The following CHURC1 variants were observed in gnomAD, a reference collection of about 807,000 sequenced individuals.
The protein encoded by CHURC1 is churchill domain containing 1, also known as protein Churchill.
CHURC1 carries 12 observed loss-of-function variants against 15.4 expected under a neutral mutation model. The ratio of observed to expected loss-of-function variants is 0.78; its 90% CI spans 0.50 to 1.27. The LOEUF is 1.27. Among genes scored for constraint, CHURC1 ranks in the 50% most tolerant of loss-of-function variants. CHURC1 has a pLI of 0.00. For synonymous variants in CHURC1, 42 were observed against 47.5 expected, an observed-to-expected ratio of 0.88 and a Z score of 0.48; for missense variants, 132 against 137.8, an observed-to-expected ratio of 0.96 and a Z score of 0.21.
chr14:64,921,306 A>G (rs1008408872), intron 1 of CHURC1, among the ~76,000 whole-genome samples: 1 of 152,144 alleles, frequency 6.6e-6, no homozygotes, highest in Non-Finnish European at 1.5e-5. Flanking sequence ...GTCTTAGGAG[A>G]AAAAAAGTAT....
chr14:64,929,492 T>C (rs1884952831), intron 3 of CHURC1, among the ~76,000 whole-genome samples: 1 of 152,152 alleles, frequency 6.6e-6, no homozygotes, highest in African/African-American at 2.4e-5. Context: ...TTACTTACTG[T>C]CCTTGTCCCC....
chr14:64,924,889 T>C (rs1884573556), intron 2 of CHURC1, among the ~76,000 whole-genome samples: 1 of 152,216 alleles, frequency 6.6e-6, no homozygotes, highest in Non-Finnish European at 1.5e-5. Context: ...GAGGAATAAA[T>C]GTACAGGTAA....
At chr14:64,914,589 C>T (rs1329832051) in intron 1 of CHURC1, 55 bp downstream of exon 1, 3 of 1,609,430 alleles carry the variant, frequency 1.9e-6, no homozygotes, top group Non-Finnish European at 2.5e-6. Context: ...TGTCTCATAT[C>T]CAAGGCTGGC....
intron 3 of CHURC1, among the ~76,000 whole-genome samples, chr14:64,928,086 TTACTC>T (rs1884845482): frequency 6.6e-6 from 1 of 152,090 alleles, no homozygotes; most frequent in South Asian, 2.1e-4. Flanking sequence ...TGTCCCAACT[TTACTC>T]TTCCTTCTCT....
At chr14:64,920,475 C>T (rs1276122720) in intron 1 of CHURC1, among the ~76,000 whole-genome samples, 1 of 152,208 alleles carries the variant, frequency 6.6e-6, no homozygotes, top group Non-Finnish European at 1.5e-5. Context: ...AATAAAAGAA[C>T]TGTGCCTCAC....
chr14:64,929,914 T>TA (rs200406226), intron 3 of CHURC1, among the ~76,000 whole-genome samples: 138 of 143,732 alleles, frequency 9.6e-4, no homozygotes, highest in Middle Eastern at 3.5e-3. Context: ...ATCCTTTATT[T>TA]AAAAAAAAAA....
intron 3 of CHURC1, among the ~76,000 whole-genome samples, chr14:64,929,529 C>T (rs1179034736): frequency 6.6e-6 from 1 of 152,134 alleles, no homozygotes; most frequent in Non-Finnish European, 1.5e-5. Flanking sequence ...TCATCCTATC[C>T]TGGCAGTAGT....
intron 3 of CHURC1, among the ~76,000 whole-genome samples, chr14:64,927,647 G>A (rs139691934): frequency 6.7e-6 from 1 of 149,680 alleles, no homozygotes; most frequent in African/African-American, 2.5e-5. Context: ...CACGATGCAA[G>A]AAACTATGAA....
chr14:64,916,777 G>A (rs1368092513), intron 1 of CHURC1, among the ~76,000 whole-genome samples: 1 of 152,004 alleles, frequency 6.6e-6, no homozygotes, highest in South Asian at 2.1e-4. Flanking sequence ...ACAGGGTTTC[G>A]CCTTGTTAGC....
Position 64,933,555 on chromosome 14 carries a change from GATATA to G in CHURC1, c.*1329_*1333del. The G allele has an allele frequency of 2.1e-6, 2 of 975,534 alleles. No homozygotes were observed. Among genetic ancestry groups the G allele is most frequent in the Non-Finnish European group, 2.4e-6 (2 of 821,050 alleles). The allele number at this position is 975,534 out of a possible 1,614,324, so 60.4% of individuals were successfully genotyped here. ...CTATCAAATTGGACTAACAAAAATTGATATAATACATTCATCACAGTATTGTTAGG... is the reference window on the plus strand; with the variant it reads ...CTATCAAATTGGACTAACAAAAATTGATACATTCATCACAGTATTGTTAGG... On this transcript the variant is annotated 3_prime_UTR_variant, in exon 4 of 4. Transcript: ENST00000549115.
chr14:64,918,640 C>T (rs1043321889), intron 1 of CHURC1, among the ~76,000 whole-genome samples: 28 of 152,112 alleles, frequency 1.8e-4, no homozygotes, highest in African/African-American at 6.5e-4. Context: ...CCAGCCTGGG[C>T]TACATAGTGA....
At position 64,926,360 on chromosome 14, in the gene CHURC1, T is replaced by C. The variant is rs189351683; in HGVS notation, c.246+280T>C. Among the ~76,000 whole-genome samples the C allele has an allele frequency of 1.2e-4, 19 of 152,262 alleles. 1 individual carries two copies. The highest frequency in any genetic ancestry group is 8.5e-4 in the Admixed American group (13 of 15,298). ...TGTGCCCAGCCCCATGCCTTTCTTA[T>C]ATCTGTGCAAGTTGAGAGACAGACT... On this transcript the variant is annotated intron_variant, in intron 3 of 3. Transcript: ENST00000549115.
In CHURC1 at chr14:64,921,924, A is replaced by G. The variant is rs150669665; in HGVS notation, c.40-2067A>G. Among the ~76,000 whole-genome samples, 9 of 152,346 alleles carry G rather than the reference A, an allele frequency of 5.9e-5. No homozygotes were observed. The East Asian group carries it at 1.7e-3, about 29-fold the overall frequency. ...ACAGCTGAATCCTACAGGGAATACTATTTGGCAATGAAAAGCAACAAACTA... is the reference window on the plus strand; with the variant it reads ...ACAGCTGAATCCTACAGGGAATACTGTTTGGCAATGAAAAGCAACAAACTA... On this transcript the variant is annotated intron_variant, in intron 1 of 3. Transcript: ENST00000549115.
intron 2 of CHURC1, among the ~76,000 whole-genome samples, chr14:64,925,526 T>C (rs954731485): frequency 1.3e-5 from 2 of 151,534 alleles, no homozygotes; most frequent in Non-Finnish European, 2.9e-5. Context: ...TCAAAAAAAT[T>C]AGCTGAGTGT....
intron 3 of CHURC1, among the ~76,000 whole-genome samples, chr14:64,928,528 G>T (rs1030368871): frequency 1.3e-5 from 2 of 152,168 alleles, no homozygotes; most frequent in Non-Finnish European, 2.9e-5. Flanking sequence ...GGGATTACAG[G>T]TGTGAGCCAT....
At chr14:64,929,939 GC>G (rs35455123) in intron 3 of CHURC1, among the ~76,000 whole-genome samples, 63 of 143,412 alleles carry the variant, frequency 4.4e-4, no homozygotes, top group African/African-American at 1.5e-3. Flanking sequence ...CCTAGCAAAA[GC>G]CCCCCCCCAC....
intron 1 of CHURC1, among the ~76,000 whole-genome samples, chr14:64,923,755 A>G (rs1884481672): frequency 1.4e-5 from 2 of 147,394 alleles, no homozygotes; most frequent in African/African-American, 2.5e-5. Flanking sequence ...CAGTCCTTAC[A>G]GACTTAAGGA....
At chr14:64,929,803 A>G (rs776864097) in intron 3 of CHURC1, among the ~76,000 whole-genome samples, 4 of 152,192 alleles carry the variant, frequency 2.6e-5, no homozygotes, top group Non-Finnish European at 5.9e-5. Context: ...CCATAATGCC[A>G]TTATTAAACA....
chr14:64,922,614 A>G lies in CHURC1; in HGVS notation c.40-1377A>G, dbSNP rs569127927. Among the ~76,000 whole-genome samples the G allele has an allele frequency of 1.5e-4, 22 of 151,116 alleles. No homozygotes were observed. In the South Asian group the frequency reaches 4.4e-3, roughly 30 times the overall value. Reference sequence around the variant, plus strand: ...AAAAAAAAAAAAATCAAAGCAAAGCATTTGTTCTTAATAACTGGAAATGTA... The same window carrying G: ...AAAAAAAAAAAAATCAAAGCAAAGCGTTTGTTCTTAATAACTGGAAATGTA... On this transcript the variant is annotated intron_variant, in intron 1 of 3. Transcript: ENST00000549115.
Sources: gnomAD v4.1 joint callset for allele counts (sites outside exome capture counted in the v4.1 genomes callset) on GRCh38, gnomAD v4.1.1 for gene constraint, MANE v1.5 for transcripts, NCBI Gene and HGNC (gene_info 2026-07-23, HGNC 2026-07-21) for gene names.